Variants in CACNA1C observed in about 807,000 individuals in gnomAD.
CACNA1C encodes calcium voltage-gated channel subunit alpha1 C.
In CACNA1C, 30 loss-of-function variants were observed where a neutral mutation model predicts 229.0. The observed-to-expected ratio is 0.13, with a 90% confidence interval of 0.10 to 0.18. CACNA1C has a LOEUF of 0.18. Among genes scored for constraint, CACNA1C ranks in the 10% least tolerant of loss-of-function variants. The pLI is 1.00. For synonymous variants in CACNA1C, 1,114 were observed against 1,132.5 expected (o/e 0.98, Z 0.33); for missense variants, 1,658 against 2,845.0 (o/e 0.58, Z 9.49).
Position 2,632,474 on chromosome 12 carries a change from C to T in CACNA1C, c.3829-1823C>T, listed in dbSNP as rs901855344. On this transcript the variant is annotated intron_variant, in intron 29 of 46. Transcript: ENST00000399655. The surrounding 1 kb of genome is among the most constrained non-coding windows in gnomAD (Gnocchi z 4.1). ...CCAGGACACCTGGGGTCCTATAGGG[C>T]CTCTGGGACAGCCCATTCCTTGGTT... Among the ~76,000 whole-genome samples, 1 of 152,200 alleles carries T rather than the reference C, an allele frequency of 6.6e-6. No individual in the cohort carries two copies. The highest frequency in any genetic ancestry group is 2.4e-5 in the African/African-American group (1 of 41,458).
intron 3 of CACNA1C, among the ~76,000 whole-genome samples, chr12:2,255,577 GAA>G (rs2077145173): frequency 6.6e-6 from 1 of 152,226 alleles, no homozygotes; most frequent in East Asian, 1.9e-4. Context: ...GAGGCAGCCA[GAA>G]GGGGCACTTC....
intron 3 of CACNA1C, among the ~76,000 whole-genome samples, chr12:2,283,382 G>T (rs953245378): frequency 6.6e-6 from 1 of 152,200 alleles, no homozygotes; most frequent in African/African-American, 2.4e-5. Context: ...AAAATGCAGG[G>T]TATGGAAGCA....
chr12:2,337,658 A>G (rs1048259427), intron 3 of CACNA1C, among the ~76,000 whole-genome samples: 1 of 148,856 alleles, frequency 6.7e-6, no homozygotes, highest in Admixed American at 6.6e-5. Flanking sequence ...TAACATTTGT[A>G]TAGCACTCTA....
intron 1 of CACNA1C, among the ~76,000 whole-genome samples, chr12:2,086,895 G>C (rs925892815): frequency 6.6e-6 from 1 of 152,184 alleles, no homozygotes; most frequent in African/African-American, 2.4e-5. Flanking sequence ...ATGTAGGCTA[G>C]CTGTGACCCC....
rs147932602 is a variant in CACNA1C, at chr12:2,455,835, C to T, written c.618-1732C>T. On this transcript the variant is annotated intron_variant, in intron 4 of 46. Coordinates refer to ENST00000399655, the MANE Select transcript of CACNA1C (RefSeq NM_000719.7). Reference sequence around the variant, plus strand: ...CATGTCCCTGCTCTGCAAGCCATCCCTCATCAGTCTGTTTTGTTGCTTTCT... The same window carrying T: ...CATGTCCCTGCTCTGCAAGCCATCCTTCATCAGTCTGTTTTGTTGCTTTCT... Among the ~76,000 whole-genome samples, 11 of 152,322 alleles carry T rather than the reference C, an allele frequency of 7.2e-5. No individual in the cohort carries two copies. The East Asian group carries it at 1.9e-3, about 27-fold the overall frequency.
At chr12:2,182,183 ATCT>A (rs1388218218) in intron 3 of CACNA1C, among the ~76,000 whole-genome samples, 1 of 151,682 alleles carries the variant, frequency 6.6e-6, no homozygotes, top group African/African-American at 2.4e-5. Flanking sequence ...AACCCATGTA[ATCT>A]TCTTCAGTAA....
chr12:2,321,713 G>A (rs573875607), intron 3 of CACNA1C, among the ~76,000 whole-genome samples: 3 of 152,288 alleles, frequency 2.0e-5, no homozygotes, highest in East Asian at 3.9e-4. Context: ...CTCTGAGAAG[G>A]TGACATTTGA....
At chr12:2,485,489 C>T (rs1252013987) in intron 5 of CACNA1C, among the ~76,000 whole-genome samples, 4 of 152,188 alleles carry the variant, frequency 2.6e-5, no homozygotes, top group Non-Finnish European at 4.4e-5. Context: ...ACACCCATGT[C>T]CCCAGGCGGG....
intron 3 of CACNA1C, among the ~76,000 whole-genome samples, chr12:2,234,246 A>G (rs554163560): frequency 2.1e-4 from 32 of 152,244 alleles, no homozygotes; most frequent in African/African-American, 6.5e-4. Context: ...CTCTGTTTCT[A>G]TTGGTTCCTT....
chr12:2,559,250 T>C (rs1197105889), intron 11 of CACNA1C, among the ~76,000 whole-genome samples: 1 of 152,240 alleles, frequency 6.6e-6, no homozygotes, highest in Non-Finnish European at 1.5e-5. Context: ...TCTCAGTTCA[T>C]GCAAGTGAGT....
chr12:2,593,411 A>G, intron 19 of CACNA1C, 66 bp downstream of exon 19: 1 of 1,556,618 alleles, frequency 6.4e-7, no homozygotes, highest in Non-Finnish European at 8.8e-7. Flanking sequence ...AGTTGCCTGT[A>G]TTTTACCTGA....
rs145701008 is a variant in CACNA1C, at chr12:2,032,532, G to T, written c.139+61331G>T. 1.8e-3 allele frequency among the ~76,000 whole-genome samples: 280 copies of T among 152,336 alleles called. 1 individual carries two copies. Among genetic ancestry groups the T allele is most frequent in the Non-Finnish European group, 2.7e-3 (186 of 68,020 alleles). The stretch of plus-strand genomic sequence containing the variant: ...AAGCATGGAAATCCACTGGAAACAG[G>T]AATGTTATTAGGGCCACTGTGTTTG... On this transcript the variant is annotated intron_variant, in intron 1 of 46. Transcript: ENST00000682462.
In CACNA1C at chr12:2,403,360, C is replaced by T. The variant is rs1180086168; in HGVS notation, c.478-45616C>T. 1.3e-5 allele frequency among the ~76,000 whole-genome samples: 2 copies of T among 152,172 alleles called. No individual in the cohort carries two copies. Among genetic ancestry groups the T allele is most frequent in the African/African-American group, 4.8e-5 (2 of 41,520 alleles). The stretch of plus-strand genomic sequence containing the variant: ...TCCCCTCTTGTGTCAAGGTGCGCTG[C>T]AGAGGGATGGCGTTGGAGGCAGGAG... On this transcript the variant is annotated intron_variant, in intron 3 of 46. Transcript: ENST00000399655. The surrounding 1 kb of genome is among the most constrained non-coding windows in gnomAD (Gnocchi z 4.1).
intron 3 of CACNA1C, among the ~76,000 whole-genome samples, chr12:2,303,267 A>C (rs1234106718): frequency 1.3e-5 from 2 of 152,162 alleles, no homozygotes; most frequent in Admixed American, 1.3e-4. Flanking sequence ...CACAAGAGAA[A>C]CAGGTTTCTT....
rs895359806 is a variant in CACNA1C, at chr12:2,689,076, A to G, written c.6117+297A>G. On this transcript the variant is annotated intron_variant, in intron 46 of 46. Coordinates refer to ENST00000399655, the MANE Select transcript of CACNA1C (RefSeq NM_000719.7). The surrounding 1 kb of genome is among the most constrained non-coding windows in gnomAD (Gnocchi z 4.2). The stretch of plus-strand genomic sequence containing the variant: ...TGCAAATGTGAGCCTGGCTGCCTTT[A>G]TACACAGACAGGCAAGATCCAAGGT... Among the ~76,000 whole-genome samples the G allele has an allele frequency of 6.6e-6, 1 of 152,158 alleles. No homozygotes were observed. The highest frequency in any genetic ancestry group is 2.4e-5 in the African/African-American group (1 of 41,436).
At chr12:2,174,005 A>T (rs962219541) in intron 3 of CACNA1C, among the ~76,000 whole-genome samples, 4 of 152,134 alleles carry the variant, frequency 2.6e-5, no homozygotes, top group Non-Finnish European at 5.9e-5. Context: ...AGCAGCAGAC[A>T]TCAAAGGGCG....
chr12:2,299,196 T>C (rs2154471506), intron 3 of CACNA1C, among the ~76,000 whole-genome samples: 1 of 152,320 alleles, frequency 6.6e-6, no homozygotes, highest in South Asian at 2.1e-4. Flanking sequence ...ACAGGGAAAC[T>C]TTAAATATAA....
Position 2,677,295 on chromosome 12 carries a change from G to A in CACNA1C, c.4956+74G>A, listed in dbSNP as rs964433201. ...CCTCTGACCTCCAGTCAGGGTCCCG[G>A]TCCCTCCCCAGCAGGCTGGAGGCCA... On this transcript the variant is annotated intron_variant, in intron 40 of 46. Coordinates refer to ENST00000399655, the MANE Select transcript of CACNA1C (RefSeq NM_000719.7). This position sits in a 1 kb window ranked among gnomAD's most constrained non-coding sequence, Gnocchi z 7.4. The A allele has an allele frequency of 1.0e-5, 16 of 1,534,668 alleles. No individual in the cohort carries two copies. In the African/African-American group the frequency reaches 1.4e-4, roughly 13 times the overall value.
chr12:2,347,027 T>C (rs1307831364), intron 3 of CACNA1C, among the ~76,000 whole-genome samples: 1 of 152,096 alleles, frequency 6.6e-6, no homozygotes, highest in African/African-American at 2.4e-5. Context: ...ATGAGTAGGG[T>C]GCTCCTCTTT....
Sources: gnomAD v4.1 joint callset for allele counts (sites outside exome capture counted in the v4.1 genomes callset) on GRCh38, gnomAD v4.1.1 for gene constraint, Gnocchi (gnomAD v3.1) non-coding constraint, MANE v1.5 for transcripts, NCBI Gene and HGNC (gene_info 2026-07-23, HGNC 2026-07-21) for gene names.